Variants in COQ4 observed in about 807,000 individuals in gnomAD.
The protein encoded by COQ4 is ubiquinone biosynthesis protein COQ4 homolog, mitochondrial.
COQ4 carries 36 observed loss-of-function variants against 30.2 expected under a neutral mutation model. The observed-to-expected ratio is 1.19, with a 90% CI of 0.91 to 1.57. COQ4 has a LOEUF of 1.57. Ranked by LOEUF, COQ4 falls within the 40% of genes most tolerant of loss-of-function variation. COQ4 has a pLI of 0.00. For missense variants in COQ4, 369 were observed against 371.9 expected (o/e 0.99, Z 0.07); for synonymous variants, 197 against 161.0 (o/e 1.22, Z -1.69).
intron 4 of COQ4, among the ~76,000 whole-genome samples, chr9:128,326,913 T>A (rs1262826264): frequency 1.3e-5 from 2 of 151,942 alleles, no homozygotes; most frequent in Non-Finnish European, 2.9e-5. Flanking sequence ...AACGCCCAGC[T>A]AATTTTTGTA....
At chr9:128,332,692 C>A in intron 5 of COQ4, 158 bp from the exon 6 acceptor site, 1 of 673,904 alleles carries the variant, frequency 1.5e-6, no homozygotes, top group Admixed American at 2.3e-5. Flanking sequence ...TCCTGTACTC[C>A]AAGCCAAGTG....
In COQ4 at chr9:128,332,902, C is replaced by T. The variant is rs771370571; in HGVS notation, c.585C>T (p.Cys195=). ...FEAVQTGLPM[C]ILGAFFGPIR... ...CTGTCCAGACTGGCCTGCCCATGTG[C>T]ATCCTGGGTGCATTCTTTGGACCGA... The change falls in exon 6 of 7, where the codon TGC becomes TGT. Residue 195 remains cysteine, a synonymous_variant. Transcript: ENST00000300452. 1.2e-6 allele frequency: 2 copies of T among 1,614,148 alleles called. No homozygotes were observed. The highest frequency in any genetic ancestry group is 3.3e-5 in the Admixed American group (2 of 60,020).
intron 4 of COQ4, chr9:128,330,305 G>A (rs896298033): frequency 2.6e-5 from 4 of 151,578 alleles, no homozygotes; most frequent in Non-Finnish European, 5.9e-5. Context: ...TCCGGGAGGA[G>A]GAGATTGCAG....
At chr9:128,332,732 G>A in intron 5 of COQ4, 118 bp from the exon 6 acceptor site, 1 of 828,770 alleles carries the variant, frequency 1.2e-6, no homozygotes, top group South Asian at 1.4e-5. Context: ...CCAGGACTGG[G>A]CACAGCTGAC....
At chr9:128,325,394 T>G (rs925032262) in intron 3 of COQ4, among the ~76,000 whole-genome samples, 155 bp downstream of exon 3, 4 of 152,238 alleles carry the variant, frequency 2.6e-5, no homozygotes, top group Non-Finnish European at 5.9e-5. Context: ...TCCAGGGGTG[T>G]CATTCACATA....
In COQ4 at chr9:128,323,143, C is replaced by A. The variant is rs569501807; in HGVS notation, c.198C>A (p.Arg66=). ...CGATGGCGCTCTATAACCCCTACCG[C>A]CACGGTAAGGCCGCCCGCGCCTCGC... The part of the protein sequence containing the change: ...SAAMALYNPY[R]HDMVAVLGET... The change falls in exon 2 of 7, where the codon CGC becomes CGA. Residue 66 remains arginine (R), a synonymous_variant. Coordinates refer to ENST00000300452, the MANE Select transcript of COQ4 (RefSeq NM_016035.5). 84 of 1,599,260 alleles carry A rather than the reference C, an allele frequency of 5.3e-5. No individual in the cohort carries two copies. Among genetic ancestry groups the A allele is most frequent in the Non-Finnish European group, 6.8e-5 (80 of 1,175,608 alleles).
At chr9:128,328,044 G>A (rs1332524082) in intron 4 of COQ4, among the ~76,000 whole-genome samples, 3 of 152,234 alleles carry the variant, frequency 2.0e-5, no homozygotes, top group Non-Finnish European at 4.4e-5. Flanking sequence ...AGCTGAGGAG[G>A]AGCATTCTGA....
Position 128,323,044 on chromosome 9 carries a change from C to T in COQ4, c.99C>T (p.Gly33=), listed in dbSNP as rs1312329310. ...AEMPLRARSD[G]AGPLYSHHLP... ...TGCCCCTCCGGGCTAGGAGCGACGG[C>T]GCCGGCCCGCTATACTCGCACCACC... The change falls in exon 2 of 7, where the codon GGC becomes GGT. Residue 33 remains glycine, a synonymous_variant. Coordinates refer to ENST00000300452, the MANE Select transcript of COQ4 (RefSeq NM_016035.5). The T allele has an allele frequency of 6.2e-7, 1 of 1,612,110 alleles. No individual in the cohort carries two copies. Among genetic ancestry groups the T allele is most frequent in the Non-Finnish European group, 8.5e-7 (1 of 1,179,824 alleles).
At chr9:128,323,712 G>A (rs549535274) in intron 2 of COQ4, 7 of 181,662 alleles carry the variant, frequency 3.9e-5, no homozygotes, top group African/African-American at 1.6e-4. Context: ...ATCCCTATCG[G>A]GGGGCCGAAG....
At chr9:128,323,200 TG>T (rs1220493745) in intron 2 of COQ4, 53 bp downstream of exon 2, 1 of 1,507,876 alleles carries the variant, frequency 6.6e-7, no homozygotes, top group Non-Finnish European at 8.8e-7. Flanking sequence ...CCGTTTCCTG[TG>T]GGTAACTGGA....
intron 3 of COQ4, among the ~76,000 whole-genome samples, 159 bp downstream of exon 3, chr9:128,325,398 T>C (rs1260874664): frequency 6.6e-6 from 1 of 152,234 alleles, no homozygotes; most frequent in Non-Finnish European, 1.5e-5. Context: ...GGGGTGTCAT[T>C]CACATACATG....
intron 4 of COQ4, among the ~76,000 whole-genome samples, chr9:128,328,729 T>C (rs1832361200): frequency 6.6e-6 from 1 of 152,138 alleles, no homozygotes; most frequent in African/African-American, 2.4e-5. Flanking sequence ...TTAAACCATC[T>C]CTCTCAGATT....
At chr9:128,329,135 G>A (rs557776548) in intron 4 of COQ4, among the ~76,000 whole-genome samples, 1 of 152,256 alleles carries the variant, frequency 6.6e-6, no homozygotes, top group South Asian at 2.1e-4. Flanking sequence ...GAGAATCCTG[G>A]CTCTCTTCCC....
rs372086513 is a variant in COQ4 at position 128,332,200 on chromosome 9, G to A, written c.450G>A (p.Glu150=). 1 of 1,607,938 alleles carries A rather than the reference G, an allele frequency of 6.2e-7. No individual in the cohort carries two copies. ...CACCCACCCGCTTCGTGGATGATGA[G>A]GAGCTAGCGTATGTGATTCAGCGGT... The part of the protein sequence containing the change: ...TRAPTRFVDD[E]ELAYVIQRYR... The change falls in exon 5 of 7, where the codon GAG becomes GAA. Residue 150 remains glutamate (E), a synonymous_variant. Coordinates refer to ENST00000300452, the MANE Select transcript of COQ4 (RefSeq NM_016035.5).
Position 128,325,796 on chromosome 9 carries a change from C to T in COQ4, c.317C>T (p.Ser106Leu), listed in dbSNP as rs767379261. ...AQILQERPRI[S>L]TSTLDLGKLQ... Reference sequence around the variant, plus strand: ...CCTTTCAGGGAGCGTCCCCGGATTTCGACATCCACCCTCGACCTGGGCAAG... The same window carrying T: ...CCTTTCAGGGAGCGTCCCCGGATTTTGACATCCACCCTCGACCTGGGCAAG... Residue 106 changes from serine to leucine, a missense_variant, in exon 4 of 7, where the codon TCG becomes TTG. Physicochemically the swap from Ser to Leu is moderately radical, Grantham distance 145. Coordinates refer to ENST00000300452, the MANE Select transcript of COQ4 (RefSeq NM_016035.5). 15 of 1,613,948 alleles carry T rather than the reference C, an allele frequency of 9.3e-6. No homozygotes were observed. The Middle Eastern group carries it at 8.2e-4, about 88-fold the overall frequency.
At chr9:128,324,960 A>G (rs1379477123) in intron 2 of COQ4, among the ~76,000 whole-genome samples, 183 bp from the exon 3 acceptor site, 2 of 152,244 alleles carry the variant, frequency 1.3e-5, no homozygotes, top group African/African-American at 2.4e-5. Flanking sequence ...AATAAGAACT[A>G]TAGATATGTA....
In COQ4 at chr9:128,323,003, T is replaced by C. The variant is rs761062659; in HGVS notation, c.71-13T>C. ...CCGGCTCCTCTGACCTCGGCCTTTT[T>C]CTTGCCCCGCAGAAATGCCCCTCCG... is the stretch of plus-strand genomic sequence containing the variant. On this transcript the variant is annotated splice_polypyrimidine_tract_variant and intron_variant, in intron 1 of 6. Coordinates refer to ENST00000300452, the MANE Select transcript of COQ4 (RefSeq NM_016035.5). 4 of 1,611,002 alleles carry C rather than the reference T, an allele frequency of 2.5e-6. No individual in the cohort carries two copies. The highest frequency in any genetic ancestry group is 3.4e-6 in the Non-Finnish European group (4 of 1,179,742).
At chr9:128,329,219 C>T (rs1449851244) in intron 4 of COQ4, among the ~76,000 whole-genome samples, 1 of 152,150 alleles carries the variant, frequency 6.6e-6, no homozygotes, top group Non-Finnish European at 1.5e-5. Context: ...GAGGACCTCC[C>T]ATATATCTTC....
chr9:128,328,650 C>A (rs987291827), intron 4 of COQ4, among the ~76,000 whole-genome samples: 3 of 152,192 alleles, frequency 2.0e-5, no homozygotes, highest in African/African-American at 7.2e-5. Flanking sequence ...GTTATTGTCC[C>A]CGAGACGATG....
Sources: allele counts gnomAD v4.1 joint callset (sites outside exome capture counted in the v4.1 genomes callset), GRCh38; gene constraint gnomAD v4.1.1; transcripts MANE v1.5; gene names NCBI Gene and HGNC (gene_info 2026-07-23, HGNC 2026-07-21).